The following ME3 variants were observed in gnomAD, a reference collection of about 807,000 sequenced individuals.
ME3 encodes the protein NADP-dependent malic enzyme, mitochondrial.
Under a neutral mutation model 68.9 loss-of-function variants are expected in ME3, and 48 were observed. The observed-to-expected ratio is 0.70, with a 90% CI of 0.55 to 0.89. ME3 has a LOEUF of 0.89. Ranked by LOEUF, ME3 falls within the 40% of genes least tolerant of loss-of-function variation. The probability of loss-of-function intolerance (pLI) is 0.00; values close to 1 mark genes in which losing one functional copy is unlikely to be tolerated. For missense variants in ME3, 675 were observed against 797.4 expected (o/e 0.85, Z 1.85); for synonymous variants, 320 against 318.8 (o/e 1.00, Z -0.04).
chr11:86,571,517 T>C (rs1414049128), intron 2 of ME3, among the ~76,000 whole-genome samples: 2 of 152,262 alleles, frequency 1.3e-5, no homozygotes, highest in South Asian at 2.1e-4. Context: ...ACTGTGGCTA[T>C]TGAGCACTTG....
At chr11:86,590,063 G>A (rs1321310097) in intron 2 of ME3, among the ~76,000 whole-genome samples, 1 of 152,124 alleles carries the variant, frequency 6.6e-6, no homozygotes, top group Non-Finnish European at 1.5e-5. Context: ...CCCAAACCAG[G>A]GAAGAGACTT....
intron 7 of ME3, among the ~76,000 whole-genome samples, chr11:86,479,981 A>AT (rs894825346): frequency 1.3e-4 from 20 of 151,434 alleles, no homozygotes; most frequent in East Asian, 1.2e-3. Context: ...TACCTGGCTA[A>AT]TTTTTTTTTG....
exon 8 of ME3, chr11:86,465,129 T>G: frequency 1.2e-6 from 2 of 1,613,852 alleles, no homozygotes; most frequent in Non-Finnish European, 1.7e-6. Context: ...CTTGTTACGG[T>G]ATTTGTTGAG....
At chr11:86,475,279 G>A (rs2138824804) in intron 7 of ME3, among the ~76,000 whole-genome samples, 1 of 152,212 alleles carries the variant, frequency 6.6e-6, no homozygotes, top group South Asian at 2.1e-4. Context: ...AAAGTGTGTA[G>A]TACCTCCCCT....
chr11:86,644,601 T>C (rs1944882464), intron 2 of ME3, among the ~76,000 whole-genome samples: 1 of 152,252 alleles, frequency 6.6e-6, no homozygotes, highest in Non-Finnish European at 1.5e-5. Context: ...CTGTTCCCTC[T>C]GCCCCAAACA....
At chr11:86,668,090 C>T (rs1946690734) in intron 2 of ME3, 1 of 152,000 alleles carries the variant, frequency 6.6e-6, no homozygotes, top group African/African-American at 2.4e-5. Flanking sequence ...AATTCTGTCA[C>T]CATCAGGAAT....
chr11:86,482,122 A>G (rs559370215), intron 7 of ME3, among the ~76,000 whole-genome samples: 29 of 152,256 alleles, frequency 1.9e-4, no homozygotes, highest in Non-Finnish European at 3.7e-4. Flanking sequence ...GGAAATCTCA[A>G]TCATTCCCTT....
intron 2 of ME3, among the ~76,000 whole-genome samples, chr11:86,642,263 GAAAA>G (rs1170766032): frequency 6.6e-6 from 1 of 152,142 alleles, no homozygotes; most frequent in Non-Finnish European, 1.5e-5. Flanking sequence ...ATGGGACTAA[GAAAA>G]AGAAGGAAGT....
chr11:86,640,136 G>A (rs1184666263), intron 2 of ME3, among the ~76,000 whole-genome samples: 1 of 152,206 alleles, frequency 6.6e-6, no homozygotes, highest in Non-Finnish European at 1.5e-5. Context: ...AGAGATCCCT[G>A]ATATAGGAAG....
chr11:86,518,765 G>A (rs913216736), intron 4 of ME3, among the ~76,000 whole-genome samples: 30 of 152,162 alleles, frequency 2.0e-4, no homozygotes, highest in Admixed American at 1.9e-3. Flanking sequence ...TAGGGTCTTT[G>A]CAGATGTGGT....
At chr11:86,663,756 C>T (rs1946426584) in intron 2 of ME3, among the ~76,000 whole-genome samples, 1 of 152,100 alleles carries the variant, frequency 6.6e-6, no homozygotes, top group Non-Finnish European at 1.5e-5. Context: ...TAAAATAAGG[C>T]CATAAACCTC....
At chr11:86,482,235 G>C (rs1006793162) in intron 7 of ME3, among the ~76,000 whole-genome samples, 1 of 152,176 alleles carries the variant, frequency 6.6e-6, no homozygotes, top group Admixed American at 6.5e-5. Flanking sequence ...GGCTAAGAAA[G>C]TGTAGAGTCT....
chr11:86,499,197 T>G, intron 5 of ME3, among the ~76,000 whole-genome samples: 1 of 150,668 alleles, frequency 6.6e-6, no homozygotes. Context: ...GTGCTGGGGG[T>G]GGGGACAATG....
intron 5 of ME3, among the ~76,000 whole-genome samples, chr11:86,505,455 A>T (rs1382379225): frequency 6.6e-6 from 1 of 152,234 alleles, no homozygotes; most frequent in Non-Finnish European, 1.5e-5. Flanking sequence ...AAATCTCCTG[A>T]TTTAAAAATG....
rs1037842392 is a variant in ME3, at chr11:86,663,604, T to G, written c.183+8158A>C. Reference sequence around the variant, plus strand: ...TAATCCATGTCTTTGCAAACAAAAGTGCTGCACATTAGTGATCCTTTTGCA... The same window carrying G: ...TAATCCATGTCTTTGCAAACAAAAGGGCTGCACATTAGTGATCCTTTTGCA... On this transcript the variant is annotated intron_variant, in intron 2 of 14. Coordinates refer to ENST00000543262, the Ensembl canonical transcript of ME3. Among the ~76,000 whole-genome samples, 4 of 152,200 alleles carry G rather than the reference T, an allele frequency of 2.6e-5. No individual in the cohort carries two copies. In the South Asian group the frequency reaches 8.3e-4, roughly 32 times the overall value.
At chr11:86,635,647 T>A (rs1386681480) in intron 2 of ME3, among the ~76,000 whole-genome samples, 5 of 152,364 alleles carry the variant, frequency 3.3e-5, no homozygotes, top group Admixed American at 3.3e-4. Flanking sequence ...AGTTCTACTT[T>A]ATTTCCTGTC....
intron 2 of ME3, among the ~76,000 whole-genome samples, chr11:86,592,872 G>T (rs1268267712): frequency 1.3e-5 from 2 of 152,160 alleles, no homozygotes; most frequent in Admixed American, 1.3e-4. Flanking sequence ...CAGTGATGGG[G>T]GAGAGCACAG....
chr11:86,481,389 A>AT (rs989435103), intron 7 of ME3, among the ~76,000 whole-genome samples: 6 of 152,168 alleles, frequency 3.9e-5, no homozygotes, highest in African/African-American at 1.4e-4. Context: ...GCACAGCTCT[A>AT]TGAGAATCAT....
At chr11:86,450,026 G>T in intron 9 of ME3, 24 bp from the exon 10 acceptor site, 1 of 1,543,326 alleles carries the variant, frequency 6.5e-7, no homozygotes, top group East Asian at 2.3e-5. Flanking sequence ...TAGGGTAGAT[G>T]TTCAGACACA....
Sources: gnomAD v4.1 joint callset for allele counts (sites outside exome capture counted in the v4.1 genomes callset) on GRCh38, gnomAD v4.1.1 for gene constraint, MANE v1.5 for transcripts, NCBI Gene and HGNC (gene_info 2026-07-23, HGNC 2026-07-21) for gene names.